Variants in STK38 observed in about 807,000 individuals in gnomAD.
STK38 encodes serine/threonine-protein kinase 38.
A neutral mutation model predicts 59.0 loss-of-function variants in STK38; 26 were observed. The ratio of observed to expected loss-of-function variants is 0.44; its 90% confidence interval spans 0.32 to 0.61. The LOEUF (loss-of-function observed/expected upper bound fraction) is 0.61, where lower values mean the gene tolerates loss of function less well. Among genes scored for constraint, STK38 ranks in the 20% least tolerant of loss-of-function variants. The pLI is 0.04. For missense variants in STK38, 433 were observed against 566.0 expected (o/e 0.76, Z 2.38); for synonymous variants, 175 against 176.6 (o/e 0.99, Z 0.07).
chr6:36,500,045 T>A (rs1435925446), intron 9 of STK38, 55 bp from the exon 10 acceptor site: 4 of 1,399,878 alleles, frequency 2.9e-6, no homozygotes, highest in Non-Finnish European at 4.1e-6. Context: ...GTGCCCAGAG[T>A]TCTGTTCTAG....
chr6:36,497,380 C>A (rs1776729512), intron 12 of STK38, among the ~76,000 whole-genome samples: 1 of 152,252 alleles, frequency 6.6e-6, no homozygotes, highest in African/African-American at 2.4e-5. Flanking sequence ...CTTTCCCTCT[C>A]CACTTCCACC....
intron 7 of STK38, among the ~76,000 whole-genome samples, chr6:36,509,153 G>A (rs926963630): frequency 6.6e-6 from 1 of 152,204 alleles, no homozygotes; most frequent in Non-Finnish European, 1.5e-5. Context: ...CCAGGTTCTT[G>A]TCCTGCATTC....
chr6:36,536,422 T>C (rs1777792203), intron 2 of STK38, among the ~76,000 whole-genome samples: 1 of 152,140 alleles, frequency 6.6e-6, no homozygotes, highest in Non-Finnish European at 1.5e-5. Context: ...AGTCCAGCAC[T>C]CTGGGAGGCT....
chr6:36,500,050 T>C (rs1234672872), intron 9 of STK38, 60 bp from the exon 10 acceptor site: 1 of 1,305,098 alleles, frequency 7.7e-7, no homozygotes, highest in East Asian at 2.3e-5. Flanking sequence ...CAGAGTTCTG[T>C]TCTAGAAACC....
chr6:36,533,562 T>A (rs1171566844), intron 2 of STK38, among the ~76,000 whole-genome samples: 2 of 152,248 alleles, frequency 1.3e-5, no homozygotes, highest in African/African-American at 4.8e-5. Flanking sequence ...CACTGCTGTC[T>A]GCTCATTTTG....
chr6:36,525,487 A>G (rs1161087453), intron 3 of STK38, 104 bp downstream of exon 3: 1 of 1,018,708 alleles, frequency 9.8e-7, no homozygotes, highest in African/African-American at 1.6e-5. Context: ...TTCCTCTGTT[A>G]TTGAGCCAAA....
At chr6:36,495,941 G>A in intron 13 of STK38, 27 bp from the exon 14 acceptor site, 1 of 1,611,792 alleles carries the variant, frequency 6.2e-7, no homozygotes, top group Non-Finnish European at 8.5e-7. Flanking sequence ...TGTGAGAGTT[G>A]ATTCACTGCC....
rs747617944 is a variant in STK38, at chr6:36,495,902, T to G, written c.1280A>C (p.Asn427Thr). Reference sequence around the variant, plus strand: ...GTTCTTGTAGTCAGTCTCAGGATGATTACTTGTGGCCACTGGGAAAGAAAT... The same window carrying G: ...GTTCTTGTAGTCAGTCTCAGGATGAGTACTTGTGGCCACTGGGAAAGAAAT... The part of the protein sequence containing the change: ...DILKPTVATS[N>T]HPETDYKNKD... The change falls in exon 14 of 14, where the codon AAT becomes ACT. Residue 427 changes from asparagine to threonine, a missense_variant. Transcript: ENST00000229812. The G allele has an allele frequency of 6.2e-7, 1 of 1,613,978 alleles. No homozygotes were observed. The highest frequency in any genetic ancestry group is 1.1e-5 in the South Asian group (1 of 91,072).
Position 36,532,848 on chromosome 6 carries a change from G to A in STK38, c.132-7206C>T, listed in dbSNP as rs571579508. 1.9e-3 allele frequency among the ~76,000 whole-genome samples: 289 copies of A among 152,110 alleles called. 3 individuals carry two copies. Among genetic ancestry groups the A allele is most frequent in the Middle Eastern group, 6.8e-3 (2 of 294 alleles). On this transcript the variant is annotated intron_variant, in intron 2 of 13. Transcript: ENST00000229812. ...CGGGAGGCAGCAACTGCAGTGAGCC[G>A]AGATTATGCCATTGCACTCTAGCCT...
chr6:36,514,328 C>T (rs1777194614), intron 7 of STK38, among the ~76,000 whole-genome samples: 1 of 147,754 alleles, frequency 6.8e-6, no homozygotes, highest in African/African-American at 2.5e-5. Context: ...AAAAAAACAA[C>T]TTCAGGTTTT....
chr6:36,502,767 CGT>C (rs1561973573), intron 9 of STK38, among the ~76,000 whole-genome samples: 1 of 152,146 alleles, frequency 6.6e-6, no homozygotes, highest in Non-Finnish European at 1.5e-5. Context: ...TGCTGAATTT[CGT>C]GTTTTGTCAC....
At chr6:36,504,191 A>G (rs779522702) in intron 9 of STK38, among the ~76,000 whole-genome samples, 9 of 152,246 alleles carry the variant, frequency 5.9e-5, no homozygotes, top group Non-Finnish European at 1.0e-4. Context: ...TTGGATGCCT[A>G]TGTGTCTATT....
chr6:36,496,636 T>G, intron 13 of STK38, 75 bp downstream of exon 13: 2 of 1,097,972 alleles, frequency 1.8e-6, no homozygotes, highest in Non-Finnish European at 2.8e-6. Context: ...CTACCCTGAT[T>G]TGTAAACATC....
At chr6:36,540,352 G>C (rs1777903589) in intron 1 of STK38, 145 bp from the exon 2 acceptor site, 2 of 761,808 alleles carry the variant, frequency 2.6e-6, no homozygotes, top group Admixed American at 3.0e-5. Flanking sequence ...CAGAGAAAGA[G>C]AATACTTAGT....
In STK38 at chr6:36,496,894, C is replaced by G. The variant is rs1776718247; in HGVS notation, c.1173-89G>C. On this transcript the variant is annotated intron_variant, in intron 12 of 13. Transcript: ENST00000229812. Reference sequence around the variant, plus strand: ...TCTTTCTCCAAAAAAGACCCCTGGTCTGACATGAGAAGACTCTTCACTGGC... The same window carrying G: ...TCTTTCTCCAAAAAAGACCCCTGGTGTGACATGAGAAGACTCTTCACTGGC... 3.2e-6 allele frequency: 3 copies of G among 938,120 alleles called. No individual in the cohort carries two copies. In the Admixed American group the frequency reaches 7.7e-5, roughly 24 times the overall value. 58.1% of individuals were successfully genotyped at this position (938,120 alleles called of 1,614,324 possible).
chr6:36,531,547 C>T (rs930996833), intron 2 of STK38, among the ~76,000 whole-genome samples: 17 of 152,130 alleles, frequency 1.1e-4, no homozygotes, highest in Admixed American at 3.9e-4. Flanking sequence ...GCTGCTGCTC[C>T]TAGAGAAGGT....
At chr6:36,537,642 A>G (rs1777824538) in intron 2 of STK38, among the ~76,000 whole-genome samples, 1 of 152,182 alleles carries the variant, frequency 6.6e-6, no homozygotes, top group African/African-American at 2.4e-5. Context: ...TCACACCTGT[A>G]ATCCTAGCAC....
chr6:36,532,338 C>T (rs905926112), intron 2 of STK38, among the ~76,000 whole-genome samples: 4 of 149,038 alleles, frequency 2.7e-5, no homozygotes, highest in African/African-American at 9.9e-5. Context: ...AGGTTTTAAA[C>T]CTTGTTTCTC....
rs139203619 is a variant in STK38, at chr6:36,528,538, G to A, written c.132-2896C>T. On this transcript the variant is annotated intron_variant, in intron 2 of 13. Coordinates refer to ENST00000229812, the MANE Select transcript of STK38 (RefSeq NM_007271.4). Reference sequence around the variant, plus strand: ...AGACAGGAAACAGAGAGAGGAACACGAACAGTTCTCCCAGTTCCCAGAATA... The same window carrying A: ...AGACAGGAAACAGAGAGAGGAACACAAACAGTTCTCCCAGTTCCCAGAATA... Among the ~76,000 whole-genome samples, 792 of 152,030 alleles carry A rather than the reference G, an allele frequency of 5.2e-3. 3 individuals carry two copies. The highest frequency in any genetic ancestry group is 0.018 in the African/African-American group (732 of 41,304).
Sources: allele counts gnomAD v4.1 joint callset (sites outside exome capture counted in the v4.1 genomes callset), GRCh38; gene constraint gnomAD v4.1.1; transcripts MANE v1.5; gene names NCBI Gene and HGNC (gene_info 2026-07-23, HGNC 2026-07-21).